Variants in P4HA3 observed in about 807,000 individuals in gnomAD.
P4HA3 encodes the protein prolyl 4-hydroxylase subunit alpha 3, also known as prolyl 4-hydroxylase subunit alpha-3.
In P4HA3, 60 loss-of-function variants were observed where a neutral mutation model predicts 66.7. The ratio of observed to expected loss-of-function variants is 0.90; its 90% CI spans 0.73 to 1.12. The LOEUF is 1.12. Among genes scored for constraint, P4HA3 ranks in the 50% most tolerant of loss-of-function variants. P4HA3 has a pLI of 0.00. For missense variants in P4HA3, 683 were observed against 685.8 expected (o/e 1.00, Z 0.05); for synonymous variants, 263 against 274.6 (o/e 0.96, Z 0.42).
At chr11:74,291,948 T>C (rs879697203) in intron 4 of P4HA3, among the ~76,000 whole-genome samples, 8 of 152,368 alleles carry the variant, frequency 5.3e-5, no homozygotes, top group Admixed American at 2.0e-4. Context: ...ATCAGGATGA[T>C]GCTGGCCTCA....
chr11:74,285,979 G>C lies in P4HA3; in HGVS notation c.940C>G (p.Leu314Val). ...CAGTAGAGGCTAGGGATCTGGTAGA[G>C]AGTGGGCTGGAAGGAAAGAATAGGA... ...LCQTLGSQPT[L>V]YQIPSLYCSY... The change falls in exon 7 of 13, where the codon CTC (leucine) becomes GTC (valine). Residue 314 changes from leucine (L) to valine (V), a missense_variant. Coordinates refer to ENST00000331597, the MANE Select transcript of P4HA3 (RefSeq NM_182904.5). 6.2e-7 allele frequency: 1 copy of C among 1,605,594 alleles called. No individual in the cohort carries two copies. The highest frequency in any genetic ancestry group is 8.5e-7 in the Non-Finnish European group (1 of 1,172,338).
intron 7 of P4HA3, among the ~76,000 whole-genome samples, chr11:74,284,166 A>G (rs1263979555): frequency 1.3e-5 from 2 of 152,248 alleles, no homozygotes; most frequent in Non-Finnish European, 2.9e-5. Flanking sequence ...ACATGCTTAT[A>G]GAGGTGCATT....
In P4HA3 at chr11:74,311,530, C is replaced by G. The variant is rs1447122128; in HGVS notation, c.82G>C (p.Gly28Arg). The G allele has an allele frequency of 6.5e-7, 1 of 1,543,358 alleles. No homozygotes were observed. Among genetic ancestry groups the G allele is most frequent in the Non-Finnish European group, 8.7e-7 (1 of 1,154,180 alleles). The stretch of plus-strand genomic sequence containing the variant: ...CTGGTCAGCGCCGAGAACGTGTCGC[C>G]CCGAGCCGCAGCCCTTTCTGGGTCT... ...TGDPERAAAR[G>R]DTFSALTSVA... The change falls in exon 1 of 13, where the codon GGC becomes CGC. Residue 28 changes from glycine to arginine, a missense_variant. By Grantham distance (125) the Gly-to-Arg change is moderately radical. Transcript: ENST00000331597.
At chr11:74,260,864 C>G (rs147301015) in intron 14 of P4HA3, among the ~76,000 whole-genome samples, 14 of 152,206 alleles carry the variant, frequency 9.2e-5, no homozygotes, top group African/African-American at 3.1e-4. Flanking sequence ...ATATGCAAAC[C>G]AAAACTCACA....
chr11:74,274,063 G>A (rs1016446264), intron 9 of P4HA3, among the ~76,000 whole-genome samples: 1 of 151,550 alleles, frequency 6.6e-6, no homozygotes, highest in African/African-American at 2.4e-5. Flanking sequence ...TTCACCCCTT[G>A]TAAGCCTACT....
chr11:74,286,110 C>T (rs1860789810), intron 6 of P4HA3, 118 bp downstream of exon 6: 4 of 1,475,220 alleles, frequency 2.7e-6, no homozygotes, highest in Admixed American at 1.9e-5. Context: ...TCTGATGCTG[C>T]CCAAGTGAGC....
intron 4 of P4HA3, among the ~76,000 whole-genome samples, chr11:74,294,678 C>G (rs970960136): frequency 3.3e-5 from 5 of 152,210 alleles, no homozygotes; most frequent in Non-Finnish European, 1.5e-5. Context: ...GGACCCTCAG[C>G]TGCAGGTCTG....
intron 15 of P4HA3, chr11:74,255,984 C>T: frequency 2.0e-6 from 1 of 508,066 alleles, no homozygotes; most frequent in Non-Finnish European, 4.0e-6. Context: ...AGCATGATCA[C>T]TTGGTTTTCA....
intron 15 of P4HA3, chr11:74,251,558 A>G (rs1859663461): frequency 6.4e-7 from 1 of 1,558,052 alleles, no homozygotes; most frequent in Admixed American, 1.9e-5. Flanking sequence ...AGGGCACCGT[A>G]GAGCCTAACC....
rs1860787645 is a variant in P4HA3 at position 74,286,043 on chromosome 11, C to A, written c.934-58G>T. 7 of 1,535,334 alleles carry A rather than the reference C, an allele frequency of 4.6e-6. No homozygotes were observed. In the Admixed American group the frequency reaches 7.0e-5, roughly 15 times the overall value. On this transcript the variant is annotated intron_variant, in intron 6 of 12. Transcript: ENST00000331597. Reference sequence around the variant, plus strand: ...AGAAGGGTCTAGGAGCAAAACTCAACTTAGGGGAACTATGGCATAAAAAAA... The same window carrying A: ...AGAAGGGTCTAGGAGCAAAACTCAAATTAGGGGAACTATGGCATAAAAAAA...
At chr11:74,250,593 G>GC (rs1410695742) in intron 15 of P4HA3, 1 of 187,294 alleles carries the variant, frequency 5.3e-6, no homozygotes, top group African/African-American at 2.3e-5. Context: ...TGCTCTTACA[G>GC]CCCCATGTAG....
chr11:74,272,351 A>G lies in P4HA3; in HGVS notation c.1398+1194T>C, dbSNP rs372600343. On this transcript the variant is annotated intron_variant, in intron 10 of 12. Transcript: ENST00000331597. ...GCCATAGGAGATATTGAGGGGATAA[A>G]GAACAGAGATATATTGTGCCCTAGA... 3.9e-5 allele frequency among the ~76,000 whole-genome samples: 6 copies of G among 152,212 alleles called. No individual in the cohort carries two copies. The East Asian group carries it at 9.6e-4, about 24-fold the overall frequency.
chr11:74,251,203 T>C, intron 15 of P4HA3: 1 of 1,438,332 alleles, frequency 7.0e-7, no homozygotes, highest in East Asian at 2.5e-5. Context: ...GTTTTGTGTA[T>C]ATGTGCTGAG....
At chr11:74,287,899 C>T (rs1333228108) in intron 5 of P4HA3, among the ~76,000 whole-genome samples, 1 of 152,086 alleles carries the variant, frequency 6.6e-6, no homozygotes, top group African/African-American at 2.4e-5. Context: ...TGGCTGTAAT[C>T]CCAGCTACTT....
At position 74,281,438 on chromosome 11, in the gene P4HA3, G is replaced by A. The variant is rs1248149281; in HGVS notation, c.1111-1986C>T. 1.2e-4 allele frequency among the ~76,000 whole-genome samples: 18 copies of A among 152,244 alleles called. No homozygotes were observed. The South Asian group carries it at 2.1e-3, about 18-fold the overall frequency. ...ACACATGCACACGTATGTTTATTGC[G>A]GCATTATTCACAATAGCAAAGACTT... On this transcript the variant is annotated intron_variant, in intron 7 of 12. Coordinates refer to ENST00000331597, the MANE Select transcript of P4HA3 (RefSeq NM_182904.5).
chr11:74,289,187 T>G, intron 4 of P4HA3, 57 bp from the exon 5 acceptor site: 1 of 1,287,276 alleles, frequency 7.8e-7, no homozygotes, highest in Non-Finnish European at 1.0e-6. Flanking sequence ...ATATCTCTTC[T>G]GAACAAACCA....
intron 15 of P4HA3, chr11:74,251,317 A>G: frequency 2.2e-6 from 3 of 1,363,572 alleles, no homozygotes; most frequent in Non-Finnish European, 2.8e-6. Context: ...AGGGATGATT[A>G]GGGTAGAAAC....
chr11:74,270,477 G>C (rs1214692991), intron 10 of P4HA3, among the ~76,000 whole-genome samples: 3 of 143,830 alleles, frequency 2.1e-5, no homozygotes, highest in East Asian at 4.1e-4. Flanking sequence ...TTTAAAACAG[G>C]AAAATATTTT....
intron 10 of P4HA3, among the ~76,000 whole-genome samples, chr11:74,272,784 C>T (rs1860251366): frequency 6.6e-6 from 1 of 152,104 alleles, no homozygotes; most frequent in South Asian, 2.1e-4. Flanking sequence ...TATGTTTGTC[C>T]CTTCAGTTAA....
Sources: gnomAD v4.1 joint callset for allele counts (sites outside exome capture counted in the v4.1 genomes callset) on GRCh38, gnomAD v4.1.1 for gene constraint, MANE v1.5 for transcripts, NCBI Gene and HGNC (gene_info 2026-07-23, HGNC 2026-07-21) for gene names.